PCDH15: variants seen among roughly 807,000 people sequenced by gnomAD.
PCDH15 encodes the protein protocadherin related 15.
Under a neutral mutation model 178.5 loss-of-function variants are expected in PCDH15, and 129 were observed. The ratio of observed to expected loss-of-function variants is 0.72; its 90% CI spans 0.63 to 0.84. The LOEUF is 0.84. Ranked by LOEUF, PCDH15 falls within the 40% of genes least tolerant of loss-of-function variation. The pLI is 0.00. For missense variants in PCDH15, 2,230 were observed against 2,099.9 expected (o/e 1.06, Z -1.21); for synonymous variants, 800 against 732.0 (o/e 1.09, Z -1.50).
intron 8 of PCDH15, among the ~76,000 whole-genome samples, chr10:54,253,233 A>C (rs2056639212): frequency 6.6e-6 from 1 of 152,088 alleles, no homozygotes; most frequent in Non-Finnish European, 1.5e-5. Flanking sequence ...TTTTGATATT[A>C]ATTTTCATAT....
At chr10:54,894,403 G>A (rs1323632684) in intron 3 of PCDH15, among the ~76,000 whole-genome samples, 1 of 152,082 alleles carries the variant, frequency 6.6e-6, no homozygotes, top group African/African-American at 2.4e-5. Flanking sequence ...TAGGTAGAGA[G>A]GCATACAGAA....
intron 2 of PCDH15, among the ~76,000 whole-genome samples, chr10:55,150,032 T>G (rs2799593): frequency 0.92 from 136,220 of 147,590 alleles, 62,980 homozygotes; most frequent in Middle Eastern, 0.98. Flanking sequence ...GAGAGAGAGA[T>G]AAAGAAGAGA....
chr10:55,484,332 A>T (rs186868665), intron 2 of PCDH15, among the ~76,000 whole-genome samples: 1 of 151,916 alleles, frequency 6.6e-6, no homozygotes, highest in African/African-American at 2.4e-5. Flanking sequence ...AGTTGTCTAT[A>T]AAAATTATAA....
At chr10:55,324,406 G>T (rs986316128), upstream of PCDH15, among the ~76,000 whole-genome samples, 1 of 151,978 alleles carries the variant, frequency 6.6e-6, no homozygotes, top group African/African-American at 2.4e-5. Context: ...AATCTACCAA[G>T]CAAAAGGTAA....
chr10:54,226,029 A>G (rs2053404051), intron 9 of PCDH15, among the ~76,000 whole-genome samples: 1 of 151,908 alleles, frequency 6.6e-6, no homozygotes, highest in South Asian at 2.1e-4. Context: ...TGAGAAAGAA[A>G]GAGAGAGAGA....
intron 2 of PCDH15, among the ~76,000 whole-genome samples, chr10:55,490,457 A>G (rs1320424481): frequency 6.6e-6 from 1 of 151,768 alleles, no homozygotes; most frequent in East Asian, 1.9e-4. Flanking sequence ...AAATAATTTT[A>G]TTTTCTCACA....
At chr10:55,471,666 G>C (rs1284274340) in intron 2 of PCDH15, among the ~76,000 whole-genome samples, 1 of 152,184 alleles carries the variant, frequency 6.6e-6, no homozygotes, top group African/African-American at 2.4e-5. Context: ...TGGGTAGTTA[G>C]TTTGTGAACA....
At chr10:55,398,842 A>T (rs1837991549) in intron 2 of PCDH15, among the ~76,000 whole-genome samples, 1 of 152,170 alleles carries the variant, frequency 6.6e-6, no homozygotes, top group Admixed American at 6.6e-5. Flanking sequence ...CTCAGTAAAT[A>T]TTTGCTCAAA....
In PCDH15 at chr10:54,967,897, C is replaced by T. The variant is rs544798178; in HGVS notation, c.-79-70397G>A. On this transcript the variant is annotated intron_variant, in intron 2 of 5. Coordinates refer to the PCDH15 transcript ENST00000458638. Reference sequence around the variant, plus strand: ...GACTTTCTTCTGTGTGTGCACCTCACTGGCATCACCCTATGTGCTCAGTGT... The same window carrying T: ...GACTTTCTTCTGTGTGTGCACCTCATTGGCATCACCCTATGTGCTCAGTGT... Among the ~76,000 whole-genome samples the T allele has an allele frequency of 1.6e-4, 24 of 152,268 alleles. No homozygotes were observed. The South Asian group carries it at 4.8e-3, about 30-fold the overall frequency.
chr10:54,417,684 A>C (rs71492609), intron 3 of PCDH15, among the ~76,000 whole-genome samples: 1,901 of 152,312 alleles, frequency 0.012, 22 homozygotes, highest in Non-Finnish European at 0.018. Context: ...TAATATTATC[A>C]CAAATATTAA....
chr10:53,895,492 C>A (rs1481804624), intron 26 of PCDH15, among the ~76,000 whole-genome samples: 1 of 152,164 alleles, frequency 6.6e-6, no homozygotes, highest in Non-Finnish European at 1.5e-5. Context: ...CAGTAGAGAT[C>A]AAATCAACAT....
At chr10:54,835,021 G>A (rs1281572299) in intron 3 of PCDH15, among the ~76,000 whole-genome samples, 1 of 152,080 alleles carries the variant, frequency 6.6e-6, no homozygotes, top group East Asian at 1.9e-4. Context: ...ATGCCCTGTG[G>A]TTTCTTACTG....
Position 55,463,959 on chromosome 10 carries a change from AAG to A in PCDH15, c.-156+163664_-156+163665del, listed in dbSNP as rs1301659351. On this transcript the variant is annotated intron_variant, in intron 2 of 5. Transcript: ENST00000613346. The stretch of plus-strand genomic sequence containing the variant: ...AAAGAAAGAAAGAAAGAAAGAAAGA[AAG>A]AAAGAAAGAAAGAGAAAGAAAGAAA... Among the ~76,000 whole-genome samples the A allele has an allele frequency of 1.7e-3, 75 of 44,092 alleles. 13 individuals are homozygous for A. The highest frequency in any genetic ancestry group is 0.011 in the African/African-American group (68 of 6,120). 28.9% of individuals were successfully genotyped at this position (44,092 alleles called of 152,430 possible). A position where few individuals can be genotyped will look rare whatever the true frequency, so the allele number is the denominator to read the frequency against.
chr10:55,088,274 GTT>G (rs58206751), intron 2 of PCDH15, among the ~76,000 whole-genome samples: 1 of 144,066 alleles, frequency 6.9e-6, no homozygotes, highest in Non-Finnish European at 1.5e-5. Context: ...ATGGAAGCAT[GTT>G]TTTTTTTTTT....
At chr10:53,951,910 G>T (rs2087094240) in intron 23 of PCDH15, among the ~76,000 whole-genome samples, 1 of 152,180 alleles carries the variant, frequency 6.6e-6, no homozygotes, top group African/African-American at 2.4e-5. Flanking sequence ...CTGCTGTGGT[G>T]GGAAGGGTGG....
At chr10:55,010,569 A>G (rs1340375815) in intron 2 of PCDH15, among the ~76,000 whole-genome samples, 2 of 152,168 alleles carry the variant, frequency 1.3e-5, no homozygotes, top group Non-Finnish European at 2.9e-5. Context: ...GAAGTCAGCC[A>G]TGTCATTCAG....
chr10:54,236,901 G>A lies in PCDH15; in HGVS notation c.907C>T (p.Pro303Ser), dbSNP rs1283485823. 4 of 1,613,390 alleles carry A rather than the reference G, an allele frequency of 2.5e-6. No homozygotes were observed. The highest frequency in any genetic ancestry group is 3.3e-5 in the Admixed American group (2 of 59,956). Residue 303 changes from proline to serine, a missense_variant, in exon 9 of 38, where the codon CCA becomes TCA. Physicochemically the swap from Pro to Ser is moderately conservative, Grantham distance 74. Transcript: ENST00000644397. ...CGGTCCTGATCAATGGCTTGGATTG[G>A]TGGCGTAACAATAATGGGGTTCAGT... ...EELNPIIVTP[P>S]IQAIDQDRNI...
intron 3 of PCDH15, among the ~76,000 whole-genome samples, chr10:54,480,941 TA>T (rs2078671034): frequency 6.6e-6 from 1 of 151,952 alleles, no homozygotes; most frequent in South Asian, 2.1e-4. Flanking sequence ...ATCGACAGTA[TA>T]AACATTAGTA....
At chr10:54,821,984 G>A (rs1409374275) in intron 3 of PCDH15, among the ~76,000 whole-genome samples, 2 of 152,108 alleles carry the variant, frequency 1.3e-5, no homozygotes, top group East Asian at 3.9e-4. Context: ...GTTAACTTAA[G>A]CAAGTGAGAC....
Sources: allele counts gnomAD v4.1 joint callset (sites outside exome capture counted in the v4.1 genomes callset), GRCh38; gene constraint gnomAD v4.1.1; transcripts MANE v1.5; gene names NCBI Gene and HGNC (gene_info 2026-07-23, HGNC 2026-07-21).